Variants in NEGR1 observed in about 807,000 individuals in gnomAD.
NEGR1 encodes the protein IgLON family member 4.
In NEGR1, 10 loss-of-function variants were observed where a neutral mutation model predicts 40.9. The ratio of observed to expected loss-of-function variants is 0.24; its 90% CI spans 0.15 to 0.42. NEGR1 has a LOEUF of 0.42. NEGR1 is among the 10% of genes least tolerant of loss of function. NEGR1 has a pLI of 1.00. For synonymous variants in NEGR1, 185 were observed against 166.8 expected (o/e 1.11, Z -0.84); for missense variants, 352 against 438.9 (o/e 0.80, Z 1.77).
intron 3 of NEGR1, among the ~76,000 whole-genome samples, chr1:71,756,031 T>C (rs1023484296): frequency 2.6e-5 from 4 of 152,188 alleles, no homozygotes; most frequent in Non-Finnish European, 5.9e-5. Context: ...TGTCATATGA[T>C]GAAATTGAGT....
intron 6 of NEGR1, among the ~76,000 whole-genome samples, chr1:71,526,217 T>C (rs1557555300): frequency 6.6e-6 from 1 of 151,568 alleles, no homozygotes; most frequent in South Asian, 2.1e-4. Context: ...ATTTGAAATA[T>C]ATTCTGAGCT....
chr1:71,649,215 G>A (rs900036119), intron 4 of NEGR1, among the ~76,000 whole-genome samples: 8 of 152,070 alleles, frequency 5.3e-5, no homozygotes, highest in Admixed American at 6.6e-5. Flanking sequence ...AGTTGTATGT[G>A]CAGAAAAAGC....
At chr1:72,159,923 AAC>A (rs1358555299) in intron 1 of NEGR1, among the ~76,000 whole-genome samples, 5 of 152,172 alleles carry the variant, frequency 3.3e-5, no homozygotes, top group Non-Finnish European at 5.9e-5. Flanking sequence ...GGTGTATTAT[AAC>A]AGTTTCTTGA....
At chr1:71,566,009 G>C (rs1237437270) in intron 6 of NEGR1, among the ~76,000 whole-genome samples, 1 of 151,936 alleles carries the variant, frequency 6.6e-6, no homozygotes, top group African/African-American at 2.4e-5. Flanking sequence ...ATGTTGCCAC[G>C]AGCCAAGGGA....
At chr1:71,846,858 C>T (rs965786148) in intron 2 of NEGR1, among the ~76,000 whole-genome samples, 6 of 152,134 alleles carry the variant, frequency 3.9e-5, no homozygotes, top group African/African-American at 1.4e-4. Flanking sequence ...GAGGGCTCTA[C>T]CCTCATGACC....
chr1:71,504,288 C>T (rs962788880), intron 6 of NEGR1, among the ~76,000 whole-genome samples: 3 of 151,750 alleles, frequency 2.0e-5, no homozygotes, highest in East Asian at 1.9e-4. Flanking sequence ...GAAGCTCAGT[C>T]GGTCTTTGCA....
chr1:71,765,498 A>G lies in NEGR1; in HGVS notation c.535+10674T>C, dbSNP rs535741747. Among the ~76,000 whole-genome samples, 5 of 152,240 alleles carry G rather than the reference A, an allele frequency of 3.3e-5. No homozygotes were observed. In the East Asian group the frequency reaches 7.7e-4, roughly 24 times the overall value. ...TAATGGTTCCAATTTTGATTAATAA[A>G]GGTGTGTTTGAGCCTATTTATAATG... On this transcript the variant is annotated intron_variant, in intron 3 of 6. Transcript: ENST00000357731.
At chr1:71,629,222 G>C (rs1341508984) in intron 4 of NEGR1, among the ~76,000 whole-genome samples, 2 of 151,862 alleles carry the variant, frequency 1.3e-5, no homozygotes, top group African/African-American at 2.4e-5. Context: ...TTTAAGAAGT[G>C]TCTGTTCATA....
intron 4 of NEGR1, among the ~76,000 whole-genome samples, 191 bp from the exon 5 acceptor site, chr1:71,611,337 T>C (rs192019593): frequency 1.2e-3 from 183 of 152,286 alleles, no homozygotes; most frequent in Middle Eastern, 6.8e-3. Flanking sequence ...TTTTTCAAGG[T>C]GAACAATAGA....
At chr1:71,629,671 G>C (rs1468585012) in intron 4 of NEGR1, among the ~76,000 whole-genome samples, 6 of 151,946 alleles carry the variant, frequency 3.9e-5, no homozygotes, top group African/African-American at 1.4e-4. Flanking sequence ...AAGTCAAACT[G>C]TCTCTATTTG....
chr1:71,601,840 T>G (rs1649929793), intron 5 of NEGR1, among the ~76,000 whole-genome samples: 1 of 151,978 alleles, frequency 6.6e-6, no homozygotes. Flanking sequence ...GGATGAAAAA[T>G]TACTTATTGA....
chr1:71,640,501 C>T (rs1651313832), intron 4 of NEGR1, among the ~76,000 whole-genome samples: 1 of 152,034 alleles, frequency 6.6e-6, no homozygotes, highest in Non-Finnish European at 1.5e-5. Flanking sequence ...AATTTCCTCT[C>T]TTAACAAAAG....
intron 1 of NEGR1, among the ~76,000 whole-genome samples, chr1:72,103,889 A>T (rs959916612): frequency 3.9e-5 from 6 of 152,120 alleles, no homozygotes; most frequent in Non-Finnish European, 7.4e-5. Flanking sequence ...ATTATAGGTC[A>T]ACAAGGAATG....
intron 6 of NEGR1, among the ~76,000 whole-genome samples, chr1:71,451,688 A>G (rs1341268809): frequency 1.3e-5 from 2 of 152,188 alleles, no homozygotes; most frequent in African/African-American, 4.8e-5. Context: ...GCATACAGCA[A>G]TGGACAGAGC....
intron 1 of NEGR1, among the ~76,000 whole-genome samples, chr1:71,979,263 C>T (rs1488997793): frequency 2.0e-5 from 3 of 152,160 alleles, no homozygotes; most frequent in East Asian, 1.9e-4. Flanking sequence ...GCGTACTAGG[C>T]TTAGTACCTG....
At chr1:71,487,616 T>C (rs1254031073) in intron 6 of NEGR1, among the ~76,000 whole-genome samples, 1 of 151,810 alleles carries the variant, frequency 6.6e-6, no homozygotes. Flanking sequence ...TCAGGATGGT[T>C]CAAAATGAAA....
chr1:71,640,834 T>C (rs1394418320), intron 4 of NEGR1, among the ~76,000 whole-genome samples: 2 of 152,006 alleles, frequency 1.3e-5, no homozygotes, highest in East Asian at 3.9e-4. Flanking sequence ...ACAGACATTA[T>C]TCTTATTTCT....
intron 6 of NEGR1, among the ~76,000 whole-genome samples, chr1:71,481,060 T>C (rs964788273): frequency 1.3e-5 from 2 of 151,980 alleles, no homozygotes; most frequent in African/African-American, 4.8e-5. Context: ...TTTGCATGCT[T>C]ATTTCATATA....
chr1:71,720,152 T>A (rs1239165513), intron 3 of NEGR1, among the ~76,000 whole-genome samples: 2 of 152,316 alleles, frequency 1.3e-5, no homozygotes, highest in East Asian at 3.9e-4. Context: ...CAATTAATTT[T>A]TTAAAACAAA....
Sources: allele counts gnomAD v4.1 joint callset (sites outside exome capture counted in the v4.1 genomes callset), GRCh38; gene constraint gnomAD v4.1.1; transcripts MANE v1.5; gene names NCBI Gene and HGNC (gene_info 2026-07-23, HGNC 2026-07-21).